ELP4: variants seen among roughly 807,000 people sequenced by gnomAD.
The protein encoded by ELP4 is elongator acetyltransferase complex subunit 4.
A neutral mutation model predicts 48.9 loss-of-function variants in ELP4; 51 were observed. The ratio of observed to expected loss-of-function variants is 1.04; its 90% CI spans 0.83 to 1.32. The LOEUF (loss-of-function observed/expected upper bound fraction) is 1.32, where lower values mean the gene tolerates loss of function less well. Ranked by LOEUF, ELP4 falls within the 40% of genes most tolerant of loss-of-function variation. The pLI is 0.00. For missense variants in ELP4, 519 were observed against 514.6 expected (o/e 1.01, Z -0.08); for synonymous variants, 210 against 189.2 (o/e 1.11, Z -0.90).
intron 3 of ELP4, among the ~76,000 whole-genome samples, chr11:31,549,840 A>G (rs1046658819): frequency 6.6e-6 from 1 of 152,234 alleles, no homozygotes; most frequent in African/African-American, 2.4e-5. Flanking sequence ...CTTTGTAGGG[A>G]CATGGATGAA....
intron 3 of ELP4, among the ~76,000 whole-genome samples, chr11:31,592,186 A>C (rs547543869): frequency 6.6e-6 from 1 of 152,298 alleles, no homozygotes; most frequent in East Asian, 1.9e-4. Flanking sequence ...TGAATTATTA[A>C]AAATTACCAA....
At chr11:31,630,131 T>A (rs532876056) in intron 6 of ELP4, among the ~76,000 whole-genome samples, 1 of 151,660 alleles carries the variant, frequency 6.6e-6, no homozygotes, top group Non-Finnish European at 1.5e-5. Context: ...TTTAACACAA[T>A]CATTTAAAAA....
intron 2 of ELP4, among the ~76,000 whole-genome samples, chr11:31,521,338 C>T (rs1287129054): frequency 6.6e-6 from 1 of 151,458 alleles, no homozygotes; most frequent in Non-Finnish European, 1.5e-5. Context: ...AAATATACTT[C>T]ATGTTATCTC....
intron 9 of ELP4, among the ~76,000 whole-genome samples, chr11:31,677,293 G>T (rs566046910): frequency 6.6e-6 from 1 of 152,152 alleles, no homozygotes; most frequent in Non-Finnish European, 1.5e-5. Context: ...GCAATGTAAC[G>T]CACACCAAGG....
intron 3 of ELP4, among the ~76,000 whole-genome samples, chr11:31,560,855 T>C (rs1957014181): frequency 6.6e-6 from 1 of 151,674 alleles, no homozygotes; most frequent in Admixed American, 6.6e-5. Context: ...GTACCTTTGC[T>C]ATATTTAGAT....
intron 9 of ELP4, among the ~76,000 whole-genome samples, chr11:31,698,516 G>A (rs1370937147): frequency 1.3e-5 from 2 of 152,036 alleles, no homozygotes; most frequent in East Asian, 1.9e-4. Flanking sequence ...GGGTTCAAGC[G>A]ATTCTCCCTC....
intron 9 of ELP4, among the ~76,000 whole-genome samples, chr11:31,660,693 C>T (rs1000603533): frequency 2.2e-4 from 34 of 151,860 alleles, no homozygotes; most frequent in African/African-American, 8.0e-4. Context: ...TAGCAAAACA[C>T]AACACAGTGA....
intron 3 of ELP4, among the ~76,000 whole-genome samples, chr11:31,547,211 A>G (rs1168340832): frequency 6.6e-6 from 1 of 152,194 alleles, no homozygotes; most frequent in African/African-American, 2.4e-5. Context: ...GTTTTTTGAA[A>G]GGATCAACAA....
At chr11:31,610,284 T>C (rs1439215403) in intron 5 of ELP4, among the ~76,000 whole-genome samples, 1 of 152,206 alleles carries the variant, frequency 6.6e-6, no homozygotes, top group Non-Finnish European at 1.5e-5. Flanking sequence ...AGATAATGTT[T>C]GAAAATTTAG....
At chr11:31,699,122 A>C (rs1946469440) in intron 9 of ELP4, among the ~76,000 whole-genome samples, 1 of 152,180 alleles carries the variant, frequency 6.6e-6, no homozygotes, top group Admixed American at 6.5e-5. Context: ...AAGCAATGAC[A>C]ACCCTAGGGA....
intron 1 of ELP4, among the ~76,000 whole-genome samples, chr11:31,515,238 C>A (rs1178663888): frequency 2.6e-5 from 4 of 151,952 alleles, no homozygotes; most frequent in Non-Finnish European, 5.9e-5. Flanking sequence ...CATGATAGAA[C>A]CTTCTTACCT....
At chr11:31,741,757 A>G (rs1048769801) in intron 9 of ELP4, among the ~76,000 whole-genome samples, 1 of 152,224 alleles carries the variant, frequency 6.6e-6, no homozygotes, top group Non-Finnish European at 1.5e-5. Context: ...CGTCACCATC[A>G]TCAAAGACCA....
intron 9 of ELP4, among the ~76,000 whole-genome samples, chr11:31,704,452 A>T (rs1254682739): frequency 6.6e-6 from 1 of 151,990 alleles, no homozygotes; most frequent in African/African-American, 2.4e-5. Context: ...ACACTTGGAC[A>T]CAGGAAGGGG....
chr11:31,575,016 C>T (rs533757897), intron 3 of ELP4, among the ~76,000 whole-genome samples: 1 of 152,230 alleles, frequency 6.6e-6, no homozygotes, highest in African/African-American at 2.4e-5. Flanking sequence ...TATTCGAACC[C>T]ATCACAAAGA....
intron 1 of ELP4, among the ~76,000 whole-genome samples, chr11:31,515,003 G>GTC (rs1956082078): frequency 3.6e-5 from 4 of 110,222 alleles, no homozygotes; most frequent in African/African-American, 1.4e-4. Flanking sequence ...CTGTATGCAT[G>GTC]TGTGTGTGTG....
intron 9 of ELP4, among the ~76,000 whole-genome samples, chr11:31,719,188 G>A (rs1278197217): frequency 6.6e-6 from 1 of 151,752 alleles, no homozygotes; most frequent in Admixed American, 6.6e-5. Context: ...AGCCCGAGAG[G>A]TTGAGACTGC....
chr11:31,611,897 C>A (rs1253935424), intron 5 of ELP4, among the ~76,000 whole-genome samples: 2 of 152,158 alleles, frequency 1.3e-5, no homozygotes, highest in Non-Finnish European at 2.9e-5. Context: ...GAGTTGTGTT[C>A]ACTCAAAGTC....
At chr11:31,751,996 G>A (rs1393705810) in intron 9 of ELP4, among the ~76,000 whole-genome samples, 4 of 151,772 alleles carry the variant, frequency 2.6e-5, no homozygotes, top group Non-Finnish European at 5.9e-5. Flanking sequence ...AGAAAACTGA[G>A]GGAAAAAAAG....
chr11:31,644,397 T>A (rs1012492171), intron 7 of ELP4, among the ~76,000 whole-genome samples: 19 of 151,842 alleles, frequency 1.3e-4, no homozygotes, highest in Non-Finnish European at 1.8e-4. Flanking sequence ...CATTTCTATC[T>A]ATTAATATAT....
Sources: gnomAD v4.1 joint callset for allele counts (sites outside exome capture counted in the v4.1 genomes callset) on GRCh38, gnomAD v4.1.1 for gene constraint, MANE v1.5 for transcripts, NCBI Gene and HGNC (gene_info 2026-07-23, HGNC 2026-07-21) for gene names.